RSPH14: variants seen among roughly 807,000 people sequenced by gnomAD.
RSPH14 encodes the protein radial spoke head 14 homolog.
RSPH14 carries 20 observed loss-of-function variants against 26.7 expected under a neutral mutation model. That is an observed-to-expected ratio of 0.75 (90% CI 0.53 to 1.09). The LOEUF is 1.09. Among genes scored for constraint, RSPH14 ranks in the 50% least tolerant of loss-of-function variants. RSPH14 has a pLI of 0.00. For synonymous variants in RSPH14, 177 were observed against 189.3 expected (o/e 0.93, Z 0.53); for missense variants, 449 against 457.2 (o/e 0.98, Z 0.16).
chr22:23,173,526 A>C, the RSPH14 span, among the ~76,000 whole-genome samples: 1 of 151,314 alleles, frequency 6.6e-6, no homozygotes, highest in African/African-American at 2.4e-5. Context: ...CTAAAACTTC[A>C]ACCTCCCTGG....
At chr22:23,114,726 G>A (rs959813625) in intron 4 of RSPH14, among the ~76,000 whole-genome samples, 1 of 152,178 alleles carries the variant, frequency 6.6e-6, no homozygotes, top group Non-Finnish European at 1.5e-5. Context: ...TTGGAGGGGG[G>A]ACAGGTTCAG....
At chr22:23,111,206 C>G (rs142238209) in intron 4 of RSPH14, among the ~76,000 whole-genome samples, 1,655 of 152,310 alleles carry the variant, frequency 0.011, 15 homozygotes, top group Non-Finnish European at 0.018. Flanking sequence ...CCCTTTGTCT[C>G]CCAGTCCCAT....
At chr22:23,073,716 G>A (rs1054972492) in intron 4 of RSPH14, among the ~76,000 whole-genome samples, 5 of 152,206 alleles carry the variant, frequency 3.3e-5, no homozygotes, top group East Asian at 1.9e-4. Context: ...TGAGCCGGAG[G>A]AGCAGAACCT....
intron 4 of RSPH14, among the ~76,000 whole-genome samples, chr22:23,081,308 ACT>A (rs954078862): frequency 7.9e-5 from 12 of 152,166 alleles, no homozygotes; most frequent in East Asian, 1.9e-4. Flanking sequence ...AGAACCGGAA[ACT>A]CTGATTTAGG....
intron 4 of RSPH14, among the ~76,000 whole-genome samples, chr22:23,120,178 C>T (rs999711437): frequency 2.0e-5 from 3 of 152,152 alleles, no homozygotes; most frequent in Non-Finnish European, 4.4e-5. Context: ...GAACAGGAGG[C>T]TCAAAGAGGT....
intron 4 of RSPH14, among the ~76,000 whole-genome samples, chr22:23,130,151 GAAAGAAAGAAAA>G (rs1569192842): frequency 8.2e-5 from 10 of 122,324 alleles, no homozygotes; most frequent in Non-Finnish European, 1.2e-4. Context: ...AAGAAAGAAA[GAAAGAAAGAAAA>G]AGAAAAAGAA....
chr22:23,161,110 C>A, the RSPH14 span: 3 of 1,340,320 alleles, frequency 2.2e-6, no homozygotes, highest in Non-Finnish European at 3.0e-6. Context: ...GTGGCCCTCT[C>A]CTGTCCTTTG....
At chr22:23,126,277 C>G (rs2070179762) in intron 4 of RSPH14, among the ~76,000 whole-genome samples, 1 of 152,190 alleles carries the variant, frequency 6.6e-6, no homozygotes, top group African/African-American at 2.4e-5. Context: ...TTCCCAGAAC[C>G]TAGCCAGGAG....
chr22:23,088,523 G>T (rs968870816), intron 4 of RSPH14, among the ~76,000 whole-genome samples: 3 of 152,246 alleles, frequency 2.0e-5, no homozygotes, highest in African/African-American at 7.2e-5. Context: ...GGGTGGGGCA[G>T]TGCTGAGTCA....
At chr22:23,169,207 T>G in the RSPH14 span, among the ~76,000 whole-genome samples, 443 of 152,336 alleles carry the variant, frequency 2.9e-3, 3 homozygotes, top group African/African-American at 9.0e-3. Context: ...CGTTTCTCAC[T>G]GGACAAAGAT....
chr22:23,087,155 G>A (rs2068842712), intron 4 of RSPH14, among the ~76,000 whole-genome samples: 1 of 152,132 alleles, frequency 6.6e-6, no homozygotes, highest in Non-Finnish European at 1.5e-5. Context: ...CCAGAGTTGG[G>A]GGCAGCACCC....
At chr22:23,112,376 G>A (rs183296449) in intron 4 of RSPH14, among the ~76,000 whole-genome samples, 84 of 152,294 alleles carry the variant, frequency 5.5e-4, no homozygotes, top group African/African-American at 1.9e-3. Flanking sequence ...TCCCAAGACC[G>A]TGGGAGGTCC....
At chr22:23,155,018 G>A in the RSPH14 span, among the ~76,000 whole-genome samples, 5 of 152,166 alleles carry the variant, frequency 3.3e-5, no homozygotes, top group Admixed American at 1.3e-4. Context: ...CAAGCTACTT[G>A]GGAGGCTGAG....
intron 4 of RSPH14, among the ~76,000 whole-genome samples, chr22:23,067,017 G>A (rs2068227135): frequency 6.6e-6 from 1 of 152,166 alleles, no homozygotes; most frequent in Non-Finnish European, 1.5e-5. Context: ...CCCCGGGGAA[G>A]CTGGTTCTCA....
chr22:23,176,577 C>A, the RSPH14 span, among the ~76,000 whole-genome samples: 1 of 152,280 alleles, frequency 6.6e-6, no homozygotes, highest in Middle Eastern at 3.4e-3. Context: ...CTTTGTCGCC[C>A]CCACGGCCTG....
chr22:23,138,365 C>T (rs2070518812), intron 3 of RSPH14, among the ~76,000 whole-genome samples: 1 of 152,126 alleles, frequency 6.6e-6, no homozygotes, highest in Admixed American at 6.5e-5. Context: ...AATTTGAAAC[C>T]AGGCTGGCCA....
At chr22:23,103,111 G>A (rs533228095) in intron 4 of RSPH14, among the ~76,000 whole-genome samples, 1 of 152,302 alleles carries the variant, frequency 6.6e-6, no homozygotes, top group East Asian at 1.9e-4. Context: ...CTCCCTCTCT[G>A]CATGCCAGGG....
rs775035141 is a variant in RSPH14 at position 23,059,566 on chromosome 22, T to C, written c.943A>G (p.Thr315Ala). ...GRKALQTHVPTFRAMEVETYE... is the reference protein window; with the variant it reads ...GRKALQTHVPAFRAMEVETYE... ...GTCTCCACCTCCATGGCACGGAAAG[T>C]GGGCACGTGCGTCTGCAGGGCCTTG... The change falls in exon 7 of 7, where the codon ACT (threonine) becomes GCT (alanine). Residue 315 changes from threonine to alanine, a missense_variant. Coordinates refer to ENST00000216036, the MANE Select transcript of RSPH14 (RefSeq NM_014433.3). 4.3e-6 allele frequency: 7 copies of C among 1,614,056 alleles called. No individual in the cohort carries two copies. Among genetic ancestry groups the C allele is most frequent in the Middle Eastern group, 1.6e-4 (1 of 6,084 alleles).
chr22:23,159,050 G>T, the RSPH14 span: 1 of 1,586,134 alleles, frequency 6.3e-7, no homozygotes, highest in Non-Finnish European at 8.6e-7. Context: ...CTCATTGGAG[G>T]AGCCATGGGG....
Sources: gnomAD v4.1 joint callset for allele counts (sites outside exome capture counted in the v4.1 genomes callset) on GRCh38, gnomAD v4.1.1 for gene constraint, MANE v1.5 for transcripts, NCBI Gene and HGNC (gene_info 2026-07-23, HGNC 2026-07-21) for gene names.